HOOK3: variants seen among roughly 807,000 people sequenced by gnomAD.
HOOK3 encodes protein Hook homolog 3.
In HOOK3, 24 loss-of-function variants were observed where a neutral mutation model predicts 116.3. The observed-to-expected ratio is 0.21, with a 90% confidence interval of 0.15 to 0.29. HOOK3 has a LOEUF of 0.29. Ranked by LOEUF, HOOK3 falls within the 10% of genes least tolerant of loss-of-function variation. The probability of loss-of-function intolerance (pLI) is 1.00; values close to 1 mark genes in which losing one functional copy is unlikely to be tolerated. For synonymous variants in HOOK3, 275 were observed against 283.0 expected (o/e 0.97, Z 0.28); for missense variants, 632 against 830.2 (o/e 0.76, Z 2.93).
At chr8:42,959,718 GAAAA>G (rs529721762) in intron 8 of HOOK3, among the ~76,000 whole-genome samples, 1 of 29,048 alleles carries the variant, frequency 3.4e-5, no homozygotes, top group South Asian at 1.2e-3. Flanking sequence ...GACTACATCT[GAAAA>G]AAAAAAAAAA....
chr8:43,024,039 G>A lies in HOOK3; in HGVS notation c.*5541G>A, dbSNP rs1280899144. ...CCAGTTATCCCCAGTTGGATCATGTGTGATTTATCTGAGAAAGCATCCACA... is the reference window on the plus strand; with the variant it reads ...CCAGTTATCCCCAGTTGGATCATGTATGATTTATCTGAGAAAGCATCCACA... On this transcript the variant is annotated 3_prime_UTR_variant, in exon 22 of 22. Coordinates refer to ENST00000307602, the MANE Select transcript of HOOK3 (RefSeq NM_032410.4). 1 of 205,274 alleles carries A rather than the reference G, an allele frequency of 4.9e-6. No homozygotes were observed. The highest frequency in any genetic ancestry group is 1.0e-5 in the Non-Finnish European group (1 of 100,442). The allele number at this position is 205,274 out of a possible 1,614,324, so 12.7% of individuals were successfully genotyped here. A position where few individuals can be genotyped will look rare whatever the true frequency, so the allele number is the denominator to read the frequency against.
chr8:42,911,753 A>G (rs955538804), intron 2 of HOOK3, among the ~76,000 whole-genome samples: 3 of 152,176 alleles, frequency 2.0e-5, no homozygotes, highest in African/African-American at 7.2e-5. Context: ...TAGGTTTTTA[A>G]CTTAAGCAAA....
At chr8:42,936,617 C>T (rs528234409) in intron 4 of HOOK3, among the ~76,000 whole-genome samples, 13 of 152,092 alleles carry the variant, frequency 8.5e-5, no homozygotes, top group Admixed American at 3.3e-4. Context: ...TGAATTTTAT[C>T]GAAGGCCTTT....
chr8:42,946,518 A>G lies in HOOK3; in HGVS notation c.400+3073A>G, dbSNP rs1808229343. Among the ~76,000 whole-genome samples, 3 of 148,818 alleles carry G rather than the reference A, an allele frequency of 2.0e-5. No homozygotes were observed. The Admixed American group carries it at 2.0e-4, about 10-fold the overall frequency. On this transcript the variant is annotated intron_variant, in intron 5 of 21. Transcript: ENST00000307602. ...CTATTACTTATGTTGAAGACGATGA[A>G]TTTTTTTTTTTAAGCCCAAAGGTTT... is the stretch of plus-strand genomic sequence containing the variant.
chr8:42,942,516 T>G (rs147016596), intron 4 of HOOK3, among the ~76,000 whole-genome samples: 179 of 152,352 alleles, frequency 1.2e-3, no homozygotes, highest in African/African-American at 4.2e-3. Flanking sequence ...GGTTTTTAAA[T>G]AATTGTTTTC....
intron 2 of HOOK3, among the ~76,000 whole-genome samples, chr8:42,911,411 A>C (rs918782132): frequency 6.6e-6 from 1 of 152,204 alleles, no homozygotes; most frequent in African/African-American, 2.4e-5. Flanking sequence ...AGATTGTGCC[A>C]TTGCACTCCA....
chr8:42,982,569 C>A (rs78848216), intron 13 of HOOK3, 58 bp from the exon 14 acceptor site: 20,166 of 1,208,588 alleles, frequency 0.017, 260 homozygotes, highest in Non-Finnish European at 0.018. Flanking sequence ...GGTTTCATAT[C>A]GAAAGTTGTG....
rs546848252 is a variant in HOOK3 at position 42,943,061 on chromosome 8, A to G, written c.268-252A>G. ...ACACCTATTTCTTCTGGGAGTACTC[A>G]GGGTTTTTTTGTTTGTTTTGTTTTT... On this transcript the variant is annotated intron_variant, in intron 4 of 21. Coordinates refer to ENST00000307602, the MANE Select transcript of HOOK3 (RefSeq NM_032410.4). 2.0e-5 allele frequency among the ~76,000 whole-genome samples: 3 copies of G among 151,850 alleles called. No homozygotes were observed. In the East Asian group the frequency reaches 5.8e-4, roughly 29 times the overall value.
At chr8:42,994,361 G>A in intron 15 of HOOK3, 1 of 357,498 alleles carries the variant, frequency 2.8e-6, no homozygotes, top group Non-Finnish European at 5.4e-6. Context: ...GGTTTGGTTT[G>A]CTCTTCCTTT....
At chr8:42,945,684 T>C (rs1808213364) in intron 5 of HOOK3, among the ~76,000 whole-genome samples, 1 of 152,226 alleles carries the variant, frequency 6.6e-6, no homozygotes, top group Non-Finnish European at 1.5e-5. Flanking sequence ...GTAGCCGCAG[T>C]TTTTTAAATG....
intron 1 of HOOK3, among the ~76,000 whole-genome samples, chr8:42,901,440 A>G (rs896112369): frequency 1.3e-5 from 2 of 152,246 alleles, no homozygotes; most frequent in African/African-American, 4.8e-5. Context: ...TTTAAAGTGT[A>G]TAATTTTTTT....
intron 4 of HOOK3, among the ~76,000 whole-genome samples, chr8:42,942,918 G>C (rs1359352766): frequency 6.8e-6 from 1 of 147,246 alleles, no homozygotes; most frequent in Non-Finnish European, 1.5e-5. Flanking sequence ...GAATCAAGTG[G>C]GAATCAAGGT....
chr8:42,981,883 C>CA (rs11348838), intron 13 of HOOK3, among the ~76,000 whole-genome samples: 2,777 of 108,062 alleles, frequency 0.026, 90 homozygotes, highest in African/African-American at 0.088. Flanking sequence ...GACTCTGTCT[C>CA]AAAAAAAAAA....
intron 7 of HOOK3, among the ~76,000 whole-genome samples, 164 bp from the exon 8 acceptor site, chr8:42,959,067 A>G (rs1808489349): frequency 6.6e-6 from 1 of 152,194 alleles, no homozygotes; most frequent in Non-Finnish European, 1.5e-5. Flanking sequence ...ATTTAAAGTT[A>G]AAAGTGCTGT....
At chr8:42,912,206 G>A (rs981044993) in intron 2 of HOOK3, among the ~76,000 whole-genome samples, 1 of 152,162 alleles carries the variant, frequency 6.6e-6, no homozygotes, top group African/African-American at 2.4e-5. Context: ...CAAGTGAGAA[G>A]CTACATCATT....
At chr8:42,935,705 G>T (rs1807956631) in intron 4 of HOOK3, among the ~76,000 whole-genome samples, 1 of 152,112 alleles carries the variant, frequency 6.6e-6, no homozygotes, top group African/African-American at 2.4e-5. Flanking sequence ...GGTTGTAGAT[G>T]TGTGGCATTA....
In HOOK3 at chr8:42,950,395, C is replaced by A. The variant is rs936492600; in HGVS notation, c.408C>A (p.Ile136=). Residue 136 remains isoleucine (I), a synonymous_variant, in exon 6 of 22, where the codon ATC becomes ATA. Transcript: ENST00000307602. ...GATTGTTCTTGTTTTCAGAGTACAT[C>A]CAAGCCATTATGATGATGGAGGAAT... ...AVNCEQKQEY[I]QAIMMMEESV... is the part of the protein sequence containing the mutation. 1 of 1,607,040 alleles carries A rather than the reference C, an allele frequency of 6.2e-7. No individual in the cohort carries two copies. The highest frequency in any genetic ancestry group is 1.1e-5 in the South Asian group (1 of 90,642).
chr8:42,904,532 T>G (rs954170478), intron 1 of HOOK3, among the ~76,000 whole-genome samples: 1 of 152,018 alleles, frequency 6.6e-6, no homozygotes, highest in Non-Finnish European at 1.5e-5. Flanking sequence ...AGGATGGTTC[T>G]GATCTCCAGA....
intron 2 of HOOK3, among the ~76,000 whole-genome samples, chr8:42,917,085 G>A (rs1297705042): frequency 6.6e-6 from 1 of 152,110 alleles, no homozygotes; most frequent in Non-Finnish European, 1.5e-5. Context: ...CCTTAAGTTG[G>A]ATAATTTGTT....
Sources: allele counts gnomAD v4.1 joint callset (sites outside exome capture counted in the v4.1 genomes callset), GRCh38; gene constraint gnomAD v4.1.1; transcripts MANE v1.5; gene names NCBI Gene and HGNC (gene_info 2026-07-23, HGNC 2026-07-21).